Variants in FSTL5 observed in about 807,000 individuals in gnomAD.
The protein encoded by FSTL5 is follistatin-related protein 5.
A neutral mutation model predicts 89.1 loss-of-function variants in FSTL5; 62 were observed. That is an observed-to-expected ratio of 0.70 (90% confidence interval 0.57 to 0.86). The LOEUF is 0.86. FSTL5 is among the 40% of genes least tolerant of loss of function. FSTL5 has a pLI of 0.00. For missense variants in FSTL5, 1,057 were observed against 1,001.6 expected (o/e 1.06, Z -0.75); for synonymous variants, 383 against 346.2 (o/e 1.11, Z -1.18).
At chr4:161,536,328 C>G (rs980043301) in intron 10 of FSTL5, among the ~76,000 whole-genome samples, 1 of 152,108 alleles carries the variant, frequency 6.6e-6, no homozygotes, top group African/African-American at 2.4e-5. Flanking sequence ...TAATATCAGT[C>G]TCTTTCCATG....
At chr4:161,394,777 T>C (rs1031339089) in intron 15 of FSTL5, among the ~76,000 whole-genome samples, 2 of 152,192 alleles carry the variant, frequency 1.3e-5, no homozygotes, top group Non-Finnish European at 2.9e-5. Flanking sequence ...TTGCTATTTT[T>C]AAAAAAGTTT....
At chr4:161,774,140 T>C (rs1243844012) in intron 5 of FSTL5, among the ~76,000 whole-genome samples, 1 of 152,052 alleles carries the variant, frequency 6.6e-6, no homozygotes, top group Admixed American at 6.6e-5. Flanking sequence ...CGGGTGCCTG[T>C]AGTCCCAGCT....
chr4:162,130,263 T>C (rs187980816), intron 1 of FSTL5, among the ~76,000 whole-genome samples: 86 of 152,334 alleles, frequency 5.6e-4, no homozygotes, highest in Admixed American at 2.4e-3. Context: ...GGTTTAGTAA[T>C]ACAGTGTTAA....
chr4:161,451,518 G>T (rs1200229415), intron 15 of FSTL5, among the ~76,000 whole-genome samples: 4 of 152,154 alleles, frequency 2.6e-5, no homozygotes, highest in Non-Finnish European at 5.9e-5. Context: ...AGATTACGAA[G>T]TCTGGACAAC....
intron 12 of FSTL5, among the ~76,000 whole-genome samples, chr4:161,482,476 C>T (rs1022970785): frequency 1.3e-5 from 2 of 152,104 alleles, no homozygotes; most frequent in Non-Finnish European, 2.9e-5. Context: ...TAATTTAGAA[C>T]ACTATTTTTT....
chr4:161,813,382 T>C (rs1217100739), intron 4 of FSTL5, among the ~76,000 whole-genome samples: 1 of 152,020 alleles, frequency 6.6e-6, no homozygotes, highest in Non-Finnish European at 1.5e-5. Flanking sequence ...TTAATCAACA[T>C]ACTAACCTGG....
intron 1 of FSTL5, among the ~76,000 whole-genome samples, chr4:162,162,355 G>A (rs1055629237): frequency 2.0e-5 from 3 of 152,070 alleles, no homozygotes; most frequent in African/African-American, 7.2e-5. Flanking sequence ...TACTTATTAA[G>A]TACGAAACAG....
intron 7 of FSTL5, among the ~76,000 whole-genome samples, chr4:161,589,827 T>TATTC (rs979680191): frequency 1.3e-5 from 2 of 151,990 alleles, no homozygotes; most frequent in African/African-American, 4.8e-5. Context: ...ACTGTGTGAA[T>TATTC]GCTCAGCAGA....
intron 15 of FSTL5, among the ~76,000 whole-genome samples, chr4:161,420,512 T>G (rs1731946787): frequency 6.6e-6 from 1 of 152,116 alleles, no homozygotes; most frequent in South Asian, 2.1e-4. Flanking sequence ...ATATTGACTT[T>G]ATTATAATAT....
chr4:161,432,584 A>G (rs1732413948), intron 15 of FSTL5, among the ~76,000 whole-genome samples: 1 of 152,060 alleles, frequency 6.6e-6, no homozygotes, highest in African/African-American at 2.4e-5. Flanking sequence ...GAATAGAAAT[A>G]ATAAAGATCA....
At chr4:161,426,337 T>C (rs1291465931) in intron 15 of FSTL5, among the ~76,000 whole-genome samples, 2 of 152,194 alleles carry the variant, frequency 1.3e-5, no homozygotes, top group African/African-American at 2.4e-5. Context: ...TCAATAGCTG[T>C]AATCATAATA....
intron 1 of FSTL5, among the ~76,000 whole-genome samples, chr4:162,159,131 A>C (rs7696528): frequency 0.19 from 29,211 of 151,882 alleles, 3,697 homozygotes; most frequent in Admixed American, 0.31. Flanking sequence ...GGAATTTTAA[A>C]AATAATAATA....
At chr4:161,872,139 TG>T (rs145850641) in intron 4 of FSTL5, among the ~76,000 whole-genome samples, 7 of 106,434 alleles carry the variant, frequency 6.6e-5, no homozygotes, top group Admixed American at 2.1e-4. Flanking sequence ...TTTTTTTTTT[TG>T]GTTTTTTTTT....
chr4:161,777,243 G>GTATATATATA (rs4065063), intron 4 of FSTL5, among the ~76,000 whole-genome samples: 2,769 of 144,916 alleles, frequency 0.019, 79 homozygotes, highest in Admixed American at 0.079. Flanking sequence ...ATTTCATTGT[G>GTATATATATA]TATATATATA....
intron 13 of FSTL5, among the ~76,000 whole-genome samples, chr4:161,474,595 G>T (rs1181077171): frequency 6.6e-6 from 1 of 151,066 alleles, no homozygotes. Flanking sequence ...GCTCAGGCTG[G>T]AGTGCAGTGG....
chr4:161,890,549 G>T (rs1271509473), intron 4 of FSTL5, among the ~76,000 whole-genome samples: 1 of 151,748 alleles, frequency 6.6e-6, no homozygotes, highest in African/African-American at 2.4e-5. Context: ...TTAGCCAGTC[G>T]TGGTGGTGTG....
At chr4:162,074,960 G>A (rs529722864) in intron 2 of FSTL5, among the ~76,000 whole-genome samples, 6 of 151,760 alleles carry the variant, frequency 4.0e-5, no homozygotes, top group African/African-American at 1.2e-4. Flanking sequence ...ATAAAGTGTC[G>A]AATAGCTCAT....
At chr4:161,566,100 CTATATA>C (rs59511238) in intron 8 of FSTL5, among the ~76,000 whole-genome samples, 1,934 of 53,948 alleles carry the variant, frequency 0.036, 147 homozygotes, top group East Asian at 0.25. Context: ...TTTTTTTGGA[CTATATA>C]TATATATATA....
chr4:162,096,643 T>G (rs1226842969), intron 2 of FSTL5, among the ~76,000 whole-genome samples: 1 of 151,898 alleles, frequency 6.6e-6, no homozygotes, highest in Admixed American at 6.6e-5. Context: ...TCGACTAATG[T>G]GTGTTCTCCA....
Sources: allele counts gnomAD v4.1 joint callset (sites outside exome capture counted in the v4.1 genomes callset), GRCh38; gene constraint gnomAD v4.1.1; transcripts MANE v1.5; gene names NCBI Gene and HGNC (gene_info 2026-07-23, HGNC 2026-07-21).